LNX2: variants seen among roughly 807,000 people sequenced by gnomAD.
The protein encoded by LNX2 is ligand of Numb protein X 2.
In LNX2, 35 loss-of-function variants were observed where a neutral mutation model predicts 66.2. The ratio of observed to expected loss-of-function variants is 0.53; its 90% confidence interval spans 0.40 to 0.70. LNX2 has a LOEUF of 0.70. Ranked by LOEUF, LNX2 falls within the 30% of genes least tolerant of loss-of-function variation. The pLI is 0.00. For missense variants in LNX2, 791 were observed against 850.8 expected, an observed-to-expected ratio of 0.93 and a Z score of 0.87; for synonymous variants, 337 against 315.6, an observed-to-expected ratio of 1.07 and a Z score of -0.72.
At chr13:27,605,880 C>A (rs1955709148) in intron 1 of LNX2, among the ~76,000 whole-genome samples, 2 of 152,104 alleles carry the variant, frequency 1.3e-5, no homozygotes, top group Admixed American at 1.3e-4. Context: ...CTTTCTATGG[C>A]AATACTCATA....
intron 1 of LNX2, among the ~76,000 whole-genome samples, chr13:27,595,422 T>A (rs1955586550): frequency 6.6e-6 from 1 of 152,200 alleles, no homozygotes; most frequent in Non-Finnish European, 1.5e-5. Flanking sequence ...TATACCCCCA[T>A]GCCTGACATG....
In LNX2 at chr13:27,582,370, G is replaced by C. The variant is rs530453146; in HGVS notation, c.-100-567C>G. Among the ~76,000 whole-genome samples the C allele has an allele frequency of 2.0e-5, 3 of 152,204 alleles. No individual in the cohort carries two copies. The East Asian group carries it at 5.8e-4, about 29-fold the overall frequency. Reference sequence around the variant, plus strand: ...ATAAAAAAACAACTTTTGATGAAAGGTAAAGACACCATAGATTATATAGTG... The same window carrying C: ...ATAAAAAAACAACTTTTGATGAAAGCTAAAGACACCATAGATTATATAGTG... On this transcript the variant is annotated intron_variant, in intron 1 of 9. Coordinates refer to ENST00000316334, the MANE Select transcript of LNX2 (RefSeq NM_153371.4).
intron 1 of LNX2, among the ~76,000 whole-genome samples, chr13:27,598,200 T>C (rs1183685874): frequency 1.1e-5 from 1 of 92,536 alleles, no homozygotes; most frequent in Non-Finnish European, 2.1e-5. Context: ...GTCTCAGCAC[T>C]GTTTAAAAAA....
At chr13:27,550,741 G>A (rs978634890) in intron 8 of LNX2, among the ~76,000 whole-genome samples, 14 of 151,856 alleles carry the variant, frequency 9.2e-5, no homozygotes, top group Non-Finnish European at 1.6e-4. Flanking sequence ...ACACACACAA[G>A]TAGAGAACCT....
At chr13:27,610,196 T>C (rs891020596) in intron 1 of LNX2, among the ~76,000 whole-genome samples, 11 of 152,234 alleles carry the variant, frequency 7.2e-5, no homozygotes, top group African/African-American at 2.4e-4. Flanking sequence ...CCACATGCAC[T>C]GTGATACCTG....
chr13:27,569,648 G>T (rs184112059), intron 2 of LNX2, among the ~76,000 whole-genome samples: 16 of 152,304 alleles, frequency 1.1e-4, no homozygotes, highest in African/African-American at 3.8e-4. Context: ...AACCACAGCA[G>T]TGAAATCAGC....
intron 1 of LNX2, among the ~76,000 whole-genome samples, chr13:27,589,596 GA>G (rs1459812338): frequency 1.1e-4 from 17 of 151,978 alleles, no homozygotes; most frequent in African/African-American, 4.1e-4. Context: ...TCCTAATTTT[GA>G]AATTCTCCTA....
intron 2 of LNX2, among the ~76,000 whole-genome samples, chr13:27,575,628 T>C (rs1184649367): frequency 6.6e-6 from 1 of 152,160 alleles, no homozygotes; most frequent in East Asian, 1.9e-4. Flanking sequence ...AGGTCTGAAT[T>C]ATGCTACTGA....
chr13:27,603,950 T>C (rs1302646075), intron 1 of LNX2, among the ~76,000 whole-genome samples: 1 of 146,768 alleles, frequency 6.8e-6, no homozygotes, highest in Non-Finnish European at 1.5e-5. Flanking sequence ...AATGTTTTCC[T>C]TCCCTTAAAA....
At chr13:27,602,034 T>G (rs903658793) in intron 1 of LNX2, among the ~76,000 whole-genome samples, 2 of 152,186 alleles carry the variant, frequency 1.3e-5, no homozygotes, top group African/African-American at 4.8e-5. Flanking sequence ...CAGAAGTCAG[T>G]ACACTCCTAA....
intron 8 of LNX2, among the ~76,000 whole-genome samples, chr13:27,551,473 A>G (rs1157183121): frequency 1.3e-5 from 2 of 152,050 alleles, no homozygotes; most frequent in African/African-American, 2.4e-5. Flanking sequence ...TTAAAAACAA[A>G]ACAAACAAAA....
intron 7 of LNX2, 140 bp downstream of exon 7, chr13:27,556,096 T>C (rs1955056598): frequency 1.3e-6 from 1 of 776,802 alleles, no homozygotes; most frequent in African/African-American, 1.8e-5. Context: ...AATGACTTTA[T>C]GCTTCCATAT....
intron 5 of LNX2, 33 bp downstream of exon 5, chr13:27,562,380 C>G (rs1955145316): frequency 1.3e-6 from 2 of 1,579,612 alleles, no homozygotes; most frequent in East Asian, 2.2e-5. Context: ...TCATTTCGGC[C>G]AAGCCTTTGG....
In LNX2 at chr13:27,581,690, CTTG is replaced by C. The variant is rs775763450; in HGVS notation, c.11_13del (p.Thr4del). 52 of 1,599,548 alleles carry C rather than the reference CTTG, an allele frequency of 3.3e-5. No individual in the cohort carries two copies. The highest frequency in any genetic ancestry group is 7.0e-5 in the Admixed American group (4 of 57,422). ...CTGTTCCACAGACACCATCTCATCA[CTTG>C]TTGTTCCCATTTTGAATCAATTCTG... On this transcript the variant is annotated inframe_deletion, in exon 2 of 10. Coordinates refer to ENST00000316334, the MANE Select transcript of LNX2 (RefSeq NM_153371.4).
At chr13:27,580,558 T>C (rs1457333866) in intron 2 of LNX2, among the ~76,000 whole-genome samples, 1 of 152,148 alleles carries the variant, frequency 6.6e-6, no homozygotes. Flanking sequence ...AAGTTAAAGA[T>C]CAAGTCTTTT....
At position 27,583,212 on chromosome 13, in the gene LNX2, G is replaced by A. The variant is rs1566124683; in HGVS notation, c.-100-1409C>T. ...TGTGTGTGTGTGTGTGTGTGTGTGT[G>A]TGTGTGTGTGTGTGTGTGTGTGTGT... On this transcript the variant is annotated intron_variant, in intron 1 of 9. Coordinates refer to ENST00000316334, the MANE Select transcript of LNX2 (RefSeq NM_153371.4). 8.7e-5 allele frequency among the ~76,000 whole-genome samples: 2 copies of A among 22,892 alleles called. 1 individual carries two copies. The highest frequency in any genetic ancestry group is 1.8e-4 in the Non-Finnish European group (2 of 11,304). 15.0% of individuals were successfully genotyped at this position (22,892 alleles called of 152,430 possible).
chr13:27,596,203 GA>G (rs1593259719), intron 1 of LNX2, among the ~76,000 whole-genome samples: 2 of 152,130 alleles, frequency 1.3e-5, no homozygotes, highest in East Asian at 3.9e-4. Context: ...TAGAGATACT[GA>G]AAAAATTAAG....
chr13:27,552,579 A>C (rs1357815751), intron 8 of LNX2, among the ~76,000 whole-genome samples: 1 of 148,626 alleles, frequency 6.7e-6, no homozygotes, highest in Non-Finnish European at 1.5e-5. Flanking sequence ...TTCCTATCTC[A>C]AATGTCAAAC....
At chr13:27,550,300 A>G in intron 9 of LNX2, 33 bp downstream of exon 9, 2 of 1,592,420 alleles carry the variant, frequency 1.3e-6, no homozygotes, top group Non-Finnish European at 8.6e-7. Context: ...TGTCATCAAC[A>G]TGAATCACAT....
Sources: allele counts gnomAD v4.1 joint callset (sites outside exome capture counted in the v4.1 genomes callset), GRCh38; gene constraint gnomAD v4.1.1; transcripts MANE v1.5; gene names NCBI Gene and HGNC (gene_info 2026-07-23, HGNC 2026-07-21).